Variants in ASTN2 observed in about 807,000 individuals in gnomAD.
The protein encoded by ASTN2 is astrotactin 2.
Under a neutral mutation model 139.8 loss-of-function variants are expected in ASTN2, and 54 were observed. The ratio of observed to expected loss-of-function variants is 0.39; its 90% CI spans 0.31 to 0.48. The LOEUF (loss-of-function observed/expected upper bound fraction) is 0.48, where lower values mean the gene tolerates loss of function less well. Among genes scored for constraint, ASTN2 ranks in the 20% least tolerant of loss-of-function variants. The pLI is 0.95. For missense variants in ASTN2, 1,565 were observed against 1,725.1 expected (o/e 0.91, Z 1.64); for synonymous variants, 756 against 719.5 (o/e 1.05, Z -0.81).
At chr9:117,215,087 G>T (rs73533178) in intron 2 of ASTN2, among the ~76,000 whole-genome samples, 1,760 of 152,198 alleles carry the variant, frequency 0.012, 36 homozygotes, top group African/African-American at 0.04. Context: ...ATAGCTCAGT[G>T]GCAGGAAGGG....
intron 16 of ASTN2, among the ~76,000 whole-genome samples, chr9:116,656,458 A>C (rs1434060831): frequency 6.6e-6 from 1 of 152,168 alleles, no homozygotes. Context: ...GTTAGGTTAA[A>C]ATACAGTGTC....
intron 5 of ASTN2, among the ~76,000 whole-genome samples, chr9:117,072,479 A>T (rs959702826): frequency 1.3e-5 from 2 of 152,246 alleles, no homozygotes; most frequent in African/African-American, 4.8e-5. Flanking sequence ...GTTAGAGCTG[A>T]GAAGAAATTG....
At chr9:116,718,975 C>CATATATATATATATATATATATATATAT (rs145923400) in intron 16 of ASTN2, among the ~76,000 whole-genome samples, 1 of 116,576 alleles carries the variant, frequency 8.6e-6, no homozygotes, top group South Asian at 2.5e-4. Context: ...TGTATCTGTA[C>CATATATATATATATATATATATATATAT]ATATATATAT....
At chr9:117,211,602 G>A (rs1832131262) in intron 3 of ASTN2, among the ~76,000 whole-genome samples, 2 of 152,268 alleles carry the variant, frequency 1.3e-5, no homozygotes, top group Admixed American at 1.3e-4. Context: ...GTGAAATTGT[G>A]AGTCAATTAA....
chr9:116,644,754 TAAG>T (rs910738402), intron 17 of ASTN2, among the ~76,000 whole-genome samples: 2 of 152,154 alleles, frequency 1.3e-5, no homozygotes, highest in African/African-American at 4.8e-5. Flanking sequence ...GTATTAAATT[TAAG>T]GAGTAAAATT....
chr9:116,513,845 C>A (rs1222499602), intron 19 of ASTN2, among the ~76,000 whole-genome samples: 1 of 152,044 alleles, frequency 6.6e-6, no homozygotes, highest in Non-Finnish European at 1.5e-5. Flanking sequence ...TGGTTTTCAG[C>A]TCCATCAGGT....
At chr9:116,768,840 C>G (rs1172973042) in intron 13 of ASTN2, among the ~76,000 whole-genome samples, 1 of 152,124 alleles carries the variant, frequency 6.6e-6, no homozygotes, top group African/African-American at 2.4e-5. Context: ...TATAGATTAT[C>G]CAGTTTATGA....
intron 12 of ASTN2, among the ~76,000 whole-genome samples, chr9:116,816,558 T>A (rs542786779): frequency 6.6e-6 from 1 of 152,224 alleles, no homozygotes; most frequent in East Asian, 1.9e-4. Context: ...TTTAATTCAA[T>A]CATTATGGTT....
chr9:116,556,296 G>A (rs1249361016), intron 19 of ASTN2, among the ~76,000 whole-genome samples: 1 of 152,118 alleles, frequency 6.6e-6, no homozygotes, highest in Admixed American at 6.5e-5. Context: ...AGTTGGGGTG[G>A]AGGAGAGGTC....
chr9:116,985,476 C>T (rs990755423), intron 7 of ASTN2, among the ~76,000 whole-genome samples: 2 of 152,202 alleles, frequency 1.3e-5, no homozygotes, highest in Admixed American at 6.5e-5. Context: ...AGGCTGCCAG[C>T]CAGGCCCCAT....
chr9:116,440,381 C>T (rs1274840579), intron 22 of ASTN2, among the ~76,000 whole-genome samples: 3 of 152,154 alleles, frequency 2.0e-5, no homozygotes, highest in African/African-American at 7.2e-5. Flanking sequence ...ATGCAAAGAG[C>T]ATCAATGCCC....
At position 117,331,565 on chromosome 9, in the gene ASTN2, C is replaced by T. The variant is rs374081993; in HGVS notation, c.443-40052G>A. ...TTGACTTATCTATCCACCAATGATA[C>T]AAAACATGACTGACATACAGTGCTG... On this transcript the variant is annotated intron_variant, in intron 1 of 22. Transcript: ENST00000313400. Among the ~76,000 whole-genome samples, 5 of 152,222 alleles carry T rather than the reference C, an allele frequency of 3.3e-5. No individual in the cohort carries two copies. The East Asian group carries it at 7.7e-4, about 24-fold the overall frequency.
At chr9:117,364,974 C>G (rs999737591) in intron 1 of ASTN2, among the ~76,000 whole-genome samples, 2 of 145,374 alleles carry the variant, frequency 1.4e-5, no homozygotes, top group Admixed American at 7.0e-5. Context: ...CACACACACA[C>G]ACACACACAC....
chr9:117,136,715 T>A (rs1375547539), intron 4 of ASTN2, among the ~76,000 whole-genome samples: 3 of 152,110 alleles, frequency 2.0e-5, no homozygotes, highest in Admixed American at 1.3e-4. Flanking sequence ...AGGCAGTGGC[T>A]CAGGAAGGGG....
chr9:117,038,075 A>G lies in ASTN2; in HGVS notation c.1423+1744T>C, dbSNP rs1309847842. On this transcript the variant is annotated intron_variant, in intron 6 of 22. Transcript: ENST00000313400. Reference sequence around the variant, plus strand: ...GAACTGATTTGCAGTCCAAGTGAAAAACAAGTAGGGGCTTCTGCACTACGG... The same window carrying G: ...GAACTGATTTGCAGTCCAAGTGAAAGACAAGTAGGGGCTTCTGCACTACGG... Among the ~76,000 whole-genome samples, 4 of 152,196 alleles carry G rather than the reference A, an allele frequency of 2.6e-5. No individual in the cohort carries two copies. In the South Asian group the frequency reaches 8.3e-4, roughly 32 times the overall value.
At chr9:116,993,878 T>TA (rs1836935624) in intron 7 of ASTN2, among the ~76,000 whole-genome samples, 2 of 61,294 alleles carry the variant, frequency 3.3e-5, no homozygotes, top group African/African-American at 8.3e-5. Context: ...ATATATATAT[T>TA]TTAACTATAT....
intron 20 of ASTN2, among the ~76,000 whole-genome samples, chr9:116,480,300 A>G (rs1439023130): frequency 6.6e-6 from 1 of 152,220 alleles, no homozygotes; most frequent in East Asian, 1.9e-4. Flanking sequence ...GTAGAGATAC[A>G]GTACTGGACC....
intron 10 of ASTN2, among the ~76,000 whole-genome samples, chr9:116,923,248 C>G (rs1834663749): frequency 6.6e-6 from 1 of 152,220 alleles, no homozygotes; most frequent in African/African-American, 2.4e-5. Context: ...GCTGTCTCTT[C>G]TAATCACTTC....
chr9:117,394,874 CAT>C (rs1292070659), intron 1 of ASTN2, among the ~76,000 whole-genome samples: 1 of 152,062 alleles, frequency 6.6e-6, no homozygotes, highest in African/African-American at 2.4e-5. Flanking sequence ...GAGGATTCCA[CAT>C]GAGAGAAAGA....
Sources: allele counts gnomAD v4.1 joint callset (sites outside exome capture counted in the v4.1 genomes callset), GRCh38; gene constraint gnomAD v4.1.1; transcripts MANE v1.5; gene names NCBI Gene and HGNC (gene_info 2026-07-23, HGNC 2026-07-21).